Variants in PIK3C3 observed in about 807,000 individuals in gnomAD.
PIK3C3 encodes phosphatidylinositol 3-kinase catalytic subunit type 3.
In PIK3C3, 95 loss-of-function variants were observed where a neutral mutation model predicts 126.1. The observed-to-expected ratio is 0.75, with a 90% CI of 0.64 to 0.89. PIK3C3 has a LOEUF of 0.89. Ranked by LOEUF, PIK3C3 falls within the 40% of genes least tolerant of loss-of-function variation. PIK3C3 has a pLI of 0.00. For synonymous variants in PIK3C3, 374 were observed against 360.0 expected, an observed-to-expected ratio of 1.04 and a Z score of -0.44; for missense variants, 829 against 1,063.2, an observed-to-expected ratio of 0.78 and a Z score of 3.06.
rs373306733 is a variant in PIK3C3 at position 41,993,272 on chromosome 18, C to T, written c.717C>T (p.Asp239=). ...AAAATTATTGCTCTGTAATCTAGGA[C>T]GGTGATGAATCATCTCCAATTTTAA... is the stretch of plus-strand genomic sequence containing the variant. ...KEYGIVYYEK[D]GDESSPILTS... is the part of the protein sequence containing the mutation. Residue 239 remains aspartate, a splice_region_variant and synonymous_variant, in exon 7 of 25, where the codon GAC becomes GAT. Transcript: ENST00000262039. 423 of 1,594,874 alleles carry T rather than the reference C, an allele frequency of 2.7e-4. No homozygotes were observed. Among genetic ancestry groups the T allele is most frequent in the Non-Finnish European group, 3.5e-4 (402 of 1,163,874 alleles).
At chr18:41,984,111 G>A (rs905449153) in intron 4 of PIK3C3, among the ~76,000 whole-genome samples, 2 of 151,824 alleles carry the variant, frequency 1.3e-5, no homozygotes, top group African/African-American at 4.8e-5. Flanking sequence ...TCCTAGTGAG[G>A]ATTATTTCTT....
At chr18:42,003,296 A>G (rs1349956032) in intron 9 of PIK3C3, among the ~76,000 whole-genome samples, 1 of 152,178 alleles carries the variant, frequency 6.6e-6, no homozygotes, top group Non-Finnish European at 1.5e-5. Context: ...GGGTCTTAAC[A>G]TTTTCAAGTT....
At chr18:42,034,369 C>G (rs1337307992) in intron 16 of PIK3C3, among the ~76,000 whole-genome samples, 1 of 152,038 alleles carries the variant, frequency 6.6e-6, no homozygotes, top group Non-Finnish European at 1.5e-5. Flanking sequence ...TTTAGTTTTT[C>G]AAGCTAATTG....
chr18:42,037,338 TTC>T (rs1246712881), intron 16 of PIK3C3, among the ~76,000 whole-genome samples: 1 of 152,238 alleles, frequency 6.6e-6, no homozygotes, highest in Non-Finnish European at 1.5e-5. Flanking sequence ...CCTGTATAGT[TTC>T]TGATTGCCTT....
chr18:42,050,499 T>C (rs1194367298), intron 21 of PIK3C3: 1 of 152,218 alleles, frequency 6.6e-6, no homozygotes, highest in Non-Finnish European at 1.5e-5. Context: ...TTTCCTCTAC[T>C]ACCTGCCTAA....
chr18:42,054,711 C>T (rs765202938), intron 21 of PIK3C3, among the ~76,000 whole-genome samples: 2 of 152,062 alleles, frequency 1.3e-5, no homozygotes, highest in Admixed American at 6.6e-5. Flanking sequence ...TTTGCCCCTC[C>T]CCCATTGGGT....
chr18:42,032,439 C>G (rs1337009470), intron 15 of PIK3C3, among the ~76,000 whole-genome samples: 1 of 152,010 alleles, frequency 6.6e-6, no homozygotes, highest in African/African-American at 2.4e-5. Flanking sequence ...TTAGCAGCTG[C>G]ACTCTGGTTA....
At chr18:41,990,317 T>C (rs1981712374) in intron 5 of PIK3C3, 142 bp from the exon 6 acceptor site, 4 of 618,268 alleles carry the variant, frequency 6.5e-6, no homozygotes, top group Middle Eastern at 4.4e-4. Context: ...ACTACATGTA[T>C]ATAATAAAAT....
Position 42,081,728 on chromosome 18 carries a change from T to C in PIK3C3, c.*591T>C, listed in dbSNP as rs1454585732. On this transcript the variant is annotated 3_prime_UTR_variant, in exon 25 of 25. Transcript: ENST00000262039. ...TGCTTATATTTTTAGAAGATACTCATTTTCTCTTACAAATAATTAATTTTT... is the reference window on the plus strand; with the variant it reads ...TGCTTATATTTTTAGAAGATACTCACTTTCTCTTACAAATAATTAATTTTT... 6.6e-6 allele frequency: 1 copy of C among 152,248 alleles called. No individual in the cohort carries two copies. The highest frequency in any genetic ancestry group is 1.5e-5 in the Non-Finnish European group (1 of 68,032). 9.4% of individuals were successfully genotyped at this position (152,248 alleles called of 1,614,324 possible).
At chr18:41,976,573 G>T (rs1321533910) in intron 4 of PIK3C3, among the ~76,000 whole-genome samples, 2 of 152,264 alleles carry the variant, frequency 1.3e-5, no homozygotes, top group South Asian at 2.1e-4. Flanking sequence ...TCCCAGCTGT[G>T]ATCTTGAACT....
chr18:42,073,243 A>C (rs1459068131), intron 24 of PIK3C3, among the ~76,000 whole-genome samples: 2 of 152,214 alleles, frequency 1.3e-5, no homozygotes, highest in Non-Finnish European at 2.9e-5. Flanking sequence ...TGCAGTGTTC[A>C]AGGAGGAAAA....
rs1440208114 is a variant in PIK3C3, at chr18:42,084,610, A to T, written c.*3473A>T. ...CAAAAAAAAAAAAAAAAAAAAAGGA[A>T]AAACAGAATAAGCCTCAGAAGATAG... is the stretch of plus-strand genomic sequence containing the variant. On this transcript the variant is annotated 3_prime_UTR_variant, in exon 25 of 25. Coordinates refer to ENST00000262039, the MANE Select transcript of PIK3C3 (RefSeq NM_002647.4). 1.3e-5 allele frequency: 2 copies of T among 151,462 alleles called. No homozygotes were observed. The highest frequency in any genetic ancestry group is 3.9e-4 in the East Asian group (2 of 5,182). The allele number at this position is 151,462 out of a possible 1,614,324, so 9.4% of individuals were successfully genotyped here.
At chr18:42,029,828 C>T (rs886117619) in intron 15 of PIK3C3, among the ~76,000 whole-genome samples, 19 of 152,068 alleles carry the variant, frequency 1.2e-4, no homozygotes, top group African/African-American at 4.6e-4. Flanking sequence ...CAGGTGTGAG[C>T]CACTGCGCCC....
At chr18:42,027,405 C>A in intron 13 of PIK3C3, 38 bp from the exon 14 acceptor site, 1 of 1,188,540 alleles carries the variant, frequency 8.4e-7, no homozygotes, top group South Asian at 1.4e-5. Flanking sequence ...ATCTAAGTTT[C>A]ATTTCACATC....
chr18:42,023,036 T>G (rs1983396505), intron 13 of PIK3C3, among the ~76,000 whole-genome samples: 1 of 152,216 alleles, frequency 6.6e-6, no homozygotes. Flanking sequence ...TTTGAGTAAA[T>G]ATTTCAAAGC....
chr18:42,008,508 TAATTC>T (rs952639396), intron 10 of PIK3C3, among the ~76,000 whole-genome samples: 7 of 152,128 alleles, frequency 4.6e-5, no homozygotes, highest in Admixed American at 1.3e-4. Flanking sequence ...GAGTTATTCT[TAATTC>T]AATAAGAAAT....
intron 10 of PIK3C3, among the ~76,000 whole-genome samples, chr18:42,007,796 C>T (rs1281522918): frequency 1.3e-5 from 2 of 152,158 alleles, no homozygotes; most frequent in African/African-American, 2.4e-5. Context: ...TCTAGTTTTT[C>T]ATTGCATTAG....
At chr18:42,013,796 T>C (rs1044422627) in intron 11 of PIK3C3, among the ~76,000 whole-genome samples, 200 bp downstream of exon 11, 2 of 152,172 alleles carry the variant, frequency 1.3e-5, no homozygotes, top group Admixed American at 6.5e-5. Flanking sequence ...CAAGGCTGAA[T>C]ACCTGAGTTA....
At chr18:41,989,028 C>T (rs1211122199) in intron 5 of PIK3C3, among the ~76,000 whole-genome samples, 1 of 152,036 alleles carries the variant, frequency 6.6e-6, no homozygotes, top group Admixed American at 6.6e-5. Flanking sequence ...CTATAATATG[C>T]TTCATAAAGC....
Sources: gnomAD v4.1 joint callset for allele counts (sites outside exome capture counted in the v4.1 genomes callset) on GRCh38, gnomAD v4.1.1 for gene constraint, MANE v1.5 for transcripts, NCBI Gene and HGNC (gene_info 2026-07-23, HGNC 2026-07-21) for gene names.